The following ZNF226 variants were observed in gnomAD, a reference collection of about 807,000 sequenced individuals.
The protein encoded by ZNF226 is Kruppel-associated box protein.
Under a neutral mutation model 11.4 loss-of-function variants are expected in ZNF226, and 6 were observed. That is an observed-to-expected ratio of 0.53 (90% CI 0.29 to 1.04). The LOEUF is 1.04. Among genes scored for constraint, ZNF226 ranks in the 50% least tolerant of loss-of-function variants. ZNF226 has a pLI of 0.08. For missense variants in ZNF226, 1,058 were observed against 956.5 expected (o/e 1.11, Z -1.40); for synonymous variants, 350 against 322.8 (o/e 1.08, Z -0.90).
At position 44,176,135 on chromosome 19, in the gene ZNF226, C is replaced by T; in HGVS notation, c.873C>T (p.Tyr291=). 1 of 1,614,180 alleles carries T rather than the reference C, an allele frequency of 6.2e-7. No individual in the cohort carries two copies. The change falls in exon 6 of 6, where the codon TAC becomes TAT. Residue 291 remains tyrosine, a synonymous_variant. Transcript: ENST00000337433. ...TTGAGCGTGGAAAAGGCTTCTGTTA[C>T]AGCCCAGTTCTTCCTGTTCATCAGA... ...TCVERGKGFC[Y]SPVLPVHQKV...
the ZNF226 span, among the ~76,000 whole-genome samples, chr19:44,188,084 G>T: frequency 6.6e-6 from 1 of 152,142 alleles, no homozygotes; most frequent in African/African-American, 2.4e-5. Context: ...CACTTGAGAA[G>T]AATGTGCATT....
intron 5 of ZNF226, chr19:44,174,515 C>T (rs1970495274): frequency 6.6e-6 from 1 of 152,278 alleles, no homozygotes; most frequent in African/African-American, 2.4e-5. Flanking sequence ...AGAAATGGAT[C>T]TTACATTGTT....
At chr19:44,198,220 G>A in the ZNF226 span, among the ~76,000 whole-genome samples, 1 of 152,096 alleles carries the variant, frequency 6.6e-6, no homozygotes, top group East Asian at 1.9e-4. Flanking sequence ...TACATAAAAT[G>A]TCTTGATGTC....
Position 44,172,925 on chromosome 19 carries a change from A to G in ZNF226, c.208A>G (p.Thr70Ala). 6.2e-7 allele frequency: 1 copy of G among 1,604,610 alleles called. No individual in the cohort carries two copies. Among genetic ancestry groups the G allele is most frequent in the Non-Finnish European group, 8.5e-7 (1 of 1,175,408 alleles). The change falls in exon 5 of 6, where the codon ACA (threonine) becomes GCA (alanine). Residue 70 changes from threonine (T) to alanine (A), a missense_variant. Transcript: ENST00000337433. ...ERNEQLWIMT[T>A]ATRRQGNLGE... Reference sequence around the variant, plus strand: ...AAATGAGCAGCTTTGGATAATGACGACAGCAACCCGAAGACAGGGAAATTT... The same window carrying G: ...AAATGAGCAGCTTTGGATAATGACGGCAGCAACCCGAAGACAGGGAAATTT...
intron 4 of ZNF226, 78 bp downstream of exon 4, chr19:44,172,292 A>T (rs1970190672): frequency 6.6e-7 from 1 of 1,522,946 alleles, no homozygotes; most frequent in Non-Finnish European, 8.8e-7. Context: ...TTGTTCCCTG[A>T]GTGTGGGAAT....
intron 2 of ZNF226, among the ~76,000 whole-genome samples, chr19:44,168,844 C>G (rs1969711510): frequency 6.6e-6 from 1 of 152,010 alleles, no homozygotes; most frequent in South Asian, 2.1e-4. Context: ...ACCAAACTCA[C>G]CAGTTTTTAG....
In ZNF226 at chr19:44,176,269, A is replaced by T. The variant is rs186801686; in HGVS notation, c.1007A>T (p.Lys336Ile). 1 of 1,614,158 alleles carries T rather than the reference A, an allele frequency of 6.2e-7. No homozygotes were observed. The highest frequency in any genetic ancestry group is 1.7e-5 in the Admixed American group (1 of 60,026). Residue 336 changes from lysine (K) to isoleucine (I), a missense_variant, in exon 6 of 6, where the codon AAA becomes ATA. By Grantham distance (102) the Lys-to-Ile change is moderately radical. Coordinates refer to ENST00000337433, the MANE Select transcript of ZNF226 (RefSeq NM_001032373.2). ...QKVHVIEKPYKCKQCGKGFSR... is the reference protein window; with the variant it reads ...QKVHVIEKPYICKQCGKGFSR... ...GTCCACGTGATAGAGAAACCATACA[A>T]ATGTAAGCAATGTGGGAAAGGTTTC...
the ZNF226 span, among the ~76,000 whole-genome samples, chr19:44,191,043 T>C: frequency 4.7e-4 from 71 of 152,372 alleles, no homozygotes; most frequent in Non-Finnish European, 6.6e-4. Context: ...CATTATCAGT[T>C]ATTCAATTTC....
chr19:44,197,342 C>T, the ZNF226 span, among the ~76,000 whole-genome samples: 5 of 152,264 alleles, frequency 3.3e-5, no homozygotes, highest in African/African-American at 7.2e-5. Context: ...TTACAAGGAC[C>T]GTGGTAGAGT....
downstream of ZNF226, among the ~76,000 whole-genome samples, chr19:44,180,397 C>G (rs982343414): frequency 6.6e-6 from 1 of 152,172 alleles, no homozygotes; most frequent in Admixed American, 6.5e-5. Context: ...TCCTGTTGTT[C>G]CTGGACTGCA....
At chr19:44,183,443 C>A in the ZNF226 span, among the ~76,000 whole-genome samples, 2 of 152,102 alleles carry the variant, frequency 1.3e-5, no homozygotes, top group Non-Finnish European at 2.9e-5. Context: ...TTGCCAAGGA[C>A]AAACACTATA....
Position 44,176,310 on chromosome 19 carries a change from CTTAATG to C in ZNF226, c.1051_1056del (p.Asn351_Val352del), listed in dbSNP as rs770856930. 2 of 1,614,176 alleles carry C rather than the reference CTTAATG, an allele frequency of 1.2e-6. No homozygotes were observed. On this transcript the variant is annotated inframe_deletion, in exon 6 of 6. Transcript: ENST00000337433. ...GAAAGGTTTCAGTCGTAGATCAGCA[CTTAATG>C]TTCATTGCAAGGTCCACACGGCAGA...
chr19:44,170,729 G>A (rs923069145), intron 3 of ZNF226, among the ~76,000 whole-genome samples: 4 of 151,926 alleles, frequency 2.6e-5, no homozygotes, highest in South Asian at 2.1e-4. Flanking sequence ...GCGAGACTCC[G>A]TCTCAAAAAA....
At chr19:44,169,781 G>T (rs8107252) in intron 2 of ZNF226, among the ~76,000 whole-genome samples, 1 of 152,044 alleles carries the variant, frequency 6.6e-6, no homozygotes, top group Non-Finnish European at 1.5e-5. Context: ...AATTTACGCT[G>T]TACTCAAAAT....
At chr19:44,194,280 T>C in the ZNF226 span, among the ~76,000 whole-genome samples, 1 of 152,178 alleles carries the variant, frequency 6.6e-6, no homozygotes, top group African/African-American at 2.4e-5. Flanking sequence ...ATTTTGTTGT[T>C]ACTGTTGTTG....
In ZNF226 at chr19:44,177,437, A is replaced by T. The variant is rs774041483; in HGVS notation, c.2175A>T (p.Lys725Asn). The change falls in exon 6 of 6, where the codon AAA (lysine) becomes AAT (asparagine). Residue 725 changes from lysine (K) to asparagine (N), a missense_variant. By Grantham distance (94) the Lys-to-Asn change is moderately conservative. Transcript: ENST00000337433. ...ATCAGAGTGTCCACACAGGAGAGAA[A>T]CCATACAAATGTGATGTGTGTGGTA... ...QLHQSVHTGE[K>N]PYKCDVCGKV... 3.3e-5 allele frequency: 53 copies of T among 1,613,936 alleles called. No individual in the cohort carries two copies. The highest frequency in any genetic ancestry group is 1.5e-4 in the Admixed American group (9 of 59,998).
intron 5 of ZNF226, 64 bp from the exon 6 acceptor site, chr19:44,175,434 G>T: frequency 2.0e-6 from 3 of 1,516,622 alleles, no homozygotes; most frequent in South Asian, 2.8e-5. Flanking sequence ...TCTGTCCTCA[G>T]TGTGAAATCT....
chr19:44,173,016 CT>C, intron 5 of ZNF226, 64 bp downstream of exon 5: 1 of 1,465,062 alleles, frequency 6.8e-7, no homozygotes, highest in Non-Finnish European at 9.3e-7. Context: ...TCTTCTTAGC[CT>C]TGTTGCCATC....
downstream of ZNF226, among the ~76,000 whole-genome samples, chr19:44,181,859 C>A (rs981286955): frequency 1.3e-5 from 2 of 152,126 alleles, no homozygotes; most frequent in African/African-American, 4.8e-5. Context: ...TTTTTCTAGA[C>A]CAATAATGAA....
Sources: gnomAD v4.1 joint callset for allele counts (sites outside exome capture counted in the v4.1 genomes callset) on GRCh38, gnomAD v4.1.1 for gene constraint, MANE v1.5 for transcripts, NCBI Gene and HGNC (gene_info 2026-07-23, HGNC 2026-07-21) for gene names.